Variants in USP20 observed in about 807,000 individuals in gnomAD.
The protein encoded by USP20 is ubiquitin specific peptidase 20, also known as ubiquitin carboxyl-terminal hydrolase 20.
USP20 carries 80 observed loss-of-function variants against 124.2 expected under a neutral mutation model. The observed-to-expected ratio is 0.64, with a 90% CI of 0.54 to 0.78. The LOEUF (loss-of-function observed/expected upper bound fraction) is 0.78. Ranked by LOEUF, USP20 falls within the 30% of genes least tolerant of loss-of-function variation. The probability of loss-of-function intolerance (pLI) is 0.00; values close to 1 mark genes in which losing one functional copy is unlikely to be tolerated. For synonymous variants in USP20, 481 were observed against 512.3 expected (o/e 0.94, Z 0.83); for missense variants, 1,043 against 1,244.4 (o/e 0.84, Z 2.44).
At chr9:129,864,606 T>G (rs571891398) in intron 9 of USP20, among the ~76,000 whole-genome samples, 2 of 151,704 alleles carry the variant, frequency 1.3e-5, no homozygotes, top group East Asian at 3.9e-4. Flanking sequence ...AAACCCCGTC[T>G]CTACTAAAAA....
chr9:129,875,717 A>C, intron 21 of USP20, 76 bp downstream of exon 21: 1 of 1,459,294 alleles, frequency 6.9e-7, no homozygotes, highest in Non-Finnish European at 9.5e-7. Context: ...GAGGGCAGGG[A>C]AGGAATGCCA....
At position 129,841,898 on chromosome 9, in the gene USP20, A is replaced by C. The variant is rs73672510; in HGVS notation, c.-129+6399A>C. Among the ~76,000 whole-genome samples, 507 of 152,230 alleles carry C rather than the reference A, an allele frequency of 3.3e-3. 1 individual carries two copies. The highest frequency in any genetic ancestry group is 0.012 in the African/African-American group (489 of 41,526). On this transcript the variant is annotated intron_variant, in intron 1 of 25. Transcript: ENST00000372429. ...CGTTGCTGGGCTGGTTGGCCTGCAG[A>C]GCCCTGAGTGGTCTCATGGAGGGTG...
At chr9:129,847,774 T>C (rs1259087045) in intron 1 of USP20, among the ~76,000 whole-genome samples, 1 of 152,194 alleles carries the variant, frequency 6.6e-6, no homozygotes, top group African/African-American at 2.4e-5. Context: ...TTCCTTCTTG[T>C]CTGCAACATA....
At position 129,868,344 on chromosome 9, in the gene USP20, G is replaced by C. The variant is rs916800373; in HGVS notation, c.1030G>C (p.Val344Leu). The stretch of plus-strand genomic sequence containing the variant: ...CCAGCAGCGTACAAACTCGGAGCAA[G>C]TGGACGAGGACGCTGATGTGGACAC... Reference protein sequence around the residue: ...WGQQRTNSEQVDEDADVDTAM... With the variant: ...WGQQRTNSEQLDEDADVDTAM... The change falls in exon 11 of 26, where the codon GTG becomes CTG. Residue 344 changes from valine to leucine, a missense_variant. Val to Leu is a conservative substitution (Grantham distance 32). Transcript: ENST00000372429. The C allele has an allele frequency of 1.9e-6, 3 of 1,612,698 alleles. No individual in the cohort carries two copies. The highest frequency in any genetic ancestry group is 2.5e-6 in the Non-Finnish European group (3 of 1,179,802).
In USP20 at chr9:129,839,514, A is replaced by T. The variant is rs1164642983; in HGVS notation, c.-129+4015A>T. Among the ~76,000 whole-genome samples, 2 of 151,752 alleles carry T rather than the reference A, an allele frequency of 1.3e-5. No homozygotes were observed. Among genetic ancestry groups the T allele is most frequent in the Non-Finnish European group, 2.9e-5 (2 of 67,956 alleles). ...AAGGGAAGGGGTGGGTGTGTCTGGG[A>T]CTTAGGGAGAATGCTGTTGTGTGGA... On this transcript the variant is annotated intron_variant, in intron 1 of 25. Coordinates refer to ENST00000372429, the MANE Select transcript of USP20 (RefSeq NM_001110303.4). This position sits in a 1 kb window ranked among gnomAD's most constrained non-coding sequence, Gnocchi z 4.5.
chr9:129,856,590 A>C lies in USP20; in HGVS notation c.135+230A>C, dbSNP rs186691391. The stretch of plus-strand genomic sequence containing the variant: ...GACAGGAGAAAAAAATAGGTCGGAG[A>C]AGGCTCTAGACTGAAGGCTCCCTTC... On this transcript the variant is annotated intron_variant, in intron 4 of 25. Transcript: ENST00000372429. Among the ~76,000 whole-genome samples, 18 of 152,362 alleles carry C rather than the reference A, an allele frequency of 1.2e-4. No homozygotes were observed. The East Asian group carries it at 3.1e-3, about 26-fold the overall frequency.
chr9:129,880,080 G>C, intron 24 of USP20, 33 bp from the exon 25 acceptor site: 1 of 1,602,368 alleles, frequency 6.2e-7, no homozygotes, highest in Non-Finnish European at 8.5e-7. Context: ...AGGAGGCAAA[G>C]GTGAGCCTAG....
At chr9:129,878,581 G>C in intron 23 of USP20, 141 bp downstream of exon 23, 1 of 725,456 alleles carries the variant, frequency 1.4e-6, no homozygotes, top group East Asian at 2.8e-5. Context: ...GGTGAACAGA[G>C]AGCATGGGGC....
intron 6 of USP20, among the ~76,000 whole-genome samples, chr9:129,860,523 G>A (rs1475378190): frequency 1.3e-5 from 2 of 152,044 alleles, no homozygotes; most frequent in African/African-American, 4.8e-5. Context: ...TAACACTTTG[G>A]GAGGATCACT....
intron 6 of USP20, among the ~76,000 whole-genome samples, chr9:129,859,275 T>TTTTATTTTATTTTAG (rs2033403978): frequency 6.9e-6 from 1 of 144,030 alleles, no homozygotes; most frequent in East Asian, 2.0e-4. Context: ...TTTTATTTTA[T>TTTTATTTTATTTTAG]TTTATTTTAA....
intron 3 of USP20, among the ~76,000 whole-genome samples, chr9:129,852,954 G>A (rs942493159): frequency 1.8e-4 from 27 of 152,188 alleles, no homozygotes; most frequent in African/African-American, 6.5e-4. Flanking sequence ...TTTTTACACA[G>A]GTGGCTCCAG....
intron 6 of USP20, 142 bp from the exon 7 acceptor site, chr9:129,860,795 T>G: frequency 1.3e-6 from 1 of 779,826 alleles, no homozygotes; most frequent in Non-Finnish European, 2.2e-6. Flanking sequence ...CTTTTCACAG[T>G]ACCTTCTGCT....
At position 129,861,539 on chromosome 9, in the gene USP20, C is replaced by T; in HGVS notation, c.428-4C>T. On this transcript the variant is annotated splice_region_variant and splice_polypyrimidine_tract_variant and intron_variant, in intron 7 of 25. Coordinates refer to ENST00000372429, the MANE Select transcript of USP20 (RefSeq NM_001110303.4). ...TGCTCCTCCCCGTTGTGTTTATTTCCCAGGCCTCACGGGCATGAAGAACCT... is the reference window on the plus strand; with the variant it reads ...TGCTCCTCCCCGTTGTGTTTATTTCTCAGGCCTCACGGGCATGAAGAACCT... 2.5e-6 allele frequency: 4 copies of T among 1,614,030 alleles called. No homozygotes were observed. The highest frequency in any genetic ancestry group is 3.4e-6 in the Non-Finnish European group (4 of 1,179,980).
In USP20 at chr9:129,873,879, G is replaced by A. The variant is rs2034257912; in HGVS notation, c.1740+135G>A. The A allele has an allele frequency of 3.6e-6, 4 of 1,108,634 alleles. No individual in the cohort carries two copies. The South Asian group carries it at 6.0e-5, about 17-fold the overall frequency. 68.7% of individuals were successfully genotyped at this position (1,108,634 alleles called of 1,614,324 possible). On this transcript the variant is annotated intron_variant, in intron 17 of 25. Transcript: ENST00000372429. ...GGGGCCGTGGAGACTCCATAGCTTT[G>A]GCTGAGAAACCTCTGGGAAGGGTTG...
Position 129,865,224 on chromosome 9 carries a change from C to A in USP20, c.612-79C>A. The A allele has an allele frequency of 2.7e-6, 4 of 1,493,198 alleles. No individual in the cohort carries two copies. In the South Asian group the frequency reaches 3.4e-5, roughly 13 times the overall value. 92.5% of individuals were successfully genotyped at this position (1,493,198 alleles called of 1,614,324 possible). Reference sequence around the variant, plus strand: ...AACGCCACACTCTGATCCAGCCTGACGGGCTGGCTGCCTGCTTCTCTCGGG... The same window carrying A: ...AACGCCACACTCTGATCCAGCCTGAAGGGCTGGCTGCCTGCTTCTCTCGGG... On this transcript the variant is annotated intron_variant, in intron 9 of 25. Coordinates refer to ENST00000372429, the MANE Select transcript of USP20 (RefSeq NM_001110303.4).
At chr9:129,842,428 C>G (rs7019709) in intron 1 of USP20, among the ~76,000 whole-genome samples, 19,414 of 152,044 alleles carry the variant, frequency 0.13, 1,680 homozygotes, top group African/African-American at 0.24. Flanking sequence ...AGAGCAGGGC[C>G]TATGCCTGGC....
rs189550014 is a variant in USP20, at chr9:129,855,203, G to T, written c.82-1104G>T. On this transcript the variant is annotated intron_variant, in intron 3 of 25. Transcript: ENST00000372429. ...TCCCAGCACTTTGGGAGGCCAAGGC[G>T]GGTGGATCATGAGGTCAGGAGATCG... Among the ~76,000 whole-genome samples the T allele has an allele frequency of 6.3e-3, 959 of 152,252 alleles. 1 individual carries two copies. The highest frequency in any genetic ancestry group is 0.02 in the Middle Eastern group (6 of 294).
chr9:129,873,419 C>CTTTTTTTTTTTTT, intron 15 of USP20, 63 bp from the exon 16 acceptor site: 2 of 1,587,612 alleles, frequency 1.3e-6, no homozygotes, highest in South Asian at 2.2e-5. Context: ...ATTATAGTCA[C>CTTTTTTTTTTTTT]TTTTTTTTGC....
At chr9:129,875,163 G>C in intron 19 of USP20, 147 bp from the exon 20 acceptor site, 1 of 1,231,372 alleles carries the variant, frequency 8.1e-7, no homozygotes, top group South Asian at 1.6e-5. Flanking sequence ...GCGGCACAGG[G>C]GGCTGCTCAC....
Sources: allele counts gnomAD v4.1 joint callset (sites outside exome capture counted in the v4.1 genomes callset), GRCh38; gene constraint gnomAD v4.1.1; non-coding constraint Gnocchi (gnomAD v3.1); transcripts MANE v1.5; gene names NCBI Gene and HGNC (gene_info 2026-07-23, HGNC 2026-07-21).